The following RBFOX3 variants were observed in gnomAD, a reference collection of about 807,000 sequenced individuals.
RBFOX3 encodes RNA binding fox-1 homolog 3.
Under a neutral mutation model 48.7 loss-of-function variants are expected in RBFOX3, and 17 were observed. The ratio of observed to expected loss-of-function variants is 0.35; its 90% CI spans 0.24 to 0.52. The LOEUF (loss-of-function observed/expected upper bound fraction) is 0.52, where lower values mean the gene tolerates loss of function less well. Among genes scored for constraint, RBFOX3 ranks in the 20% least tolerant of loss-of-function variants. RBFOX3 has a pLI of 0.94. For missense variants in RBFOX3, 382 were observed against 497.5 expected (o/e 0.77, Z 2.21); for synonymous variants, 212 against 209.5 (o/e 1.01, Z -0.10).
chr17:79,322,832 C>A (rs929638841), intron 2 of RBFOX3, among the ~76,000 whole-genome samples: 9 of 152,190 alleles, frequency 5.9e-5, no homozygotes, highest in Admixed American at 2.0e-4. Flanking sequence ...AGCACTGGAG[C>A]TCCCCAAGTC....
the RBFOX3 span, among the ~76,000 whole-genome samples, chr17:79,628,926 G>A: frequency 6.6e-6 from 1 of 152,362 alleles, no homozygotes; most frequent in Non-Finnish European, 1.5e-5. Context: ...GGGGCATGAA[G>A]ACCACAGCAG....
chr17:79,315,760 G>A lies in RBFOX3; in HGVS notation c.-174-7936C>T, dbSNP rs368317117. Among the ~76,000 whole-genome samples, 6 of 152,378 alleles carry A rather than the reference G, an allele frequency of 3.9e-5. No individual in the cohort carries two copies. In the South Asian group the frequency reaches 8.3e-4, roughly 21 times the overall value. ...TGCCGCCCGTGCCGCCACCCTGGGG[G>A]TCTCTGAGGGCCTTGCTTGCAATGA... On this transcript the variant is annotated intron_variant, in intron 2 of 14. Coordinates refer to ENST00000693108, the MANE Select transcript of RBFOX3 (RefSeq NM_001350451.2).
At chr17:79,664,178 C>G in the RBFOX3 span, among the ~76,000 whole-genome samples, 2 of 77,784 alleles carry the variant, frequency 2.6e-5, no homozygotes, top group Non-Finnish European at 6.9e-5. Context: ...ACCATTCTTA[C>G]CTTTTTTTTT....
chr17:79,218,851 C>T (rs1013908261), intron 4 of RBFOX3, among the ~76,000 whole-genome samples: 31 of 152,228 alleles, frequency 2.0e-4, no homozygotes, highest in African/African-American at 7.5e-4. Flanking sequence ...CGGGCACATC[C>T]TTGCCCCAAT....
At chr17:79,504,234 C>A (rs1207818623) in intron 1 of RBFOX3, among the ~76,000 whole-genome samples, 1 of 152,252 alleles carries the variant, frequency 6.6e-6, no homozygotes, top group Admixed American at 6.5e-5. Context: ...ATAGCAGGAG[C>A]CGCCGTAACA....
intron 2 of RBFOX3, among the ~76,000 whole-genome samples, chr17:79,469,540 C>T (rs2076797962): frequency 6.6e-6 from 1 of 152,216 alleles, no homozygotes. Flanking sequence ...AAGCAGCTGA[C>T]CACCTGCTCG....
intron 2 of RBFOX3, among the ~76,000 whole-genome samples, chr17:79,407,572 C>T (rs1568195636): frequency 6.6e-6 from 1 of 152,212 alleles, no homozygotes. Flanking sequence ...CAGTAACTCA[C>T]AATGTGAGAC....
chr17:79,196,230 T>TC (rs2055559762), intron 4 of RBFOX3, among the ~76,000 whole-genome samples: 1 of 152,068 alleles, frequency 6.6e-6, no homozygotes, highest in Admixed American at 6.6e-5. Flanking sequence ...CTAAGAAGAC[T>TC]GTAGTCCCGC....
At chr17:79,183,609 A>T (rs1396016261) in intron 4 of RBFOX3, 1 of 152,224 alleles carries the variant, frequency 6.6e-6, no homozygotes, top group African/African-American at 2.4e-5. Context: ...ACGGCCAGAG[A>T]GTCTGTGCGC....
the RBFOX3 span, among the ~76,000 whole-genome samples, chr17:79,663,847 T>C: frequency 2.0e-5 from 3 of 152,238 alleles, no homozygotes; most frequent in Non-Finnish European, 2.9e-5. Context: ...CAAGGATCTT[T>C]TGTAAGTTTG....
intron 2 of RBFOX3, among the ~76,000 whole-genome samples, chr17:79,400,079 G>A (rs141988296): frequency 5.1e-4 from 77 of 152,240 alleles, no homozygotes; most frequent in African/African-American, 1.1e-3. Flanking sequence ...GATCAGGATC[G>A]GAGCAGGATT....
At chr17:79,661,736 A>G in the RBFOX3 span, among the ~76,000 whole-genome samples, 23,580 of 152,156 alleles carry the variant, frequency 0.15, 2,022 homozygotes, top group African/African-American at 0.23. Flanking sequence ...GGATGCCCCA[A>G]TCATTCTATA....
chr17:79,245,487 A>G (rs1329146438), intron 3 of RBFOX3, among the ~76,000 whole-genome samples: 1 of 152,194 alleles, frequency 6.6e-6, no homozygotes, highest in Non-Finnish European at 1.5e-5. Context: ...CTTTAGGTGC[A>G]CAGTTCAGTG....
chr17:79,594,756 GGT>G (rs1404450979), intron 1 of RBFOX3, among the ~76,000 whole-genome samples: 1 of 152,176 alleles, frequency 6.6e-6, no homozygotes, highest in Non-Finnish European at 1.5e-5. Flanking sequence ...GAAAGGTTCT[GGT>G]GTCCAGGGGC....
At chr17:79,123,600 C>T (rs1028905911) in intron 4 of RBFOX3, among the ~76,000 whole-genome samples, 3 of 152,164 alleles carry the variant, frequency 2.0e-5, no homozygotes, top group African/African-American at 4.8e-5. Flanking sequence ...GATCAATGCC[C>T]AGATGAAGAA....
rs1341102845 is a variant in RBFOX3 at position 79,479,289 on chromosome 17, G to A, written c.-175+3165C>T. Among the ~76,000 whole-genome samples the A allele has an allele frequency of 7.2e-5, 11 of 152,174 alleles. No homozygotes were observed. Among genetic ancestry groups the A allele is most frequent in the South Asian group, 2.1e-4 (1 of 4,828 alleles). On this transcript the variant is annotated intron_variant, in intron 2 of 14. Coordinates refer to ENST00000693108, the MANE Select transcript of RBFOX3 (RefSeq NM_001350451.2). The surrounding 1 kb of genome is among the most constrained non-coding windows in gnomAD (Gnocchi z 5.1). Reference sequence around the variant, plus strand: ...GGCTGCAGGGAGAACCCAGGAGCTCGCGGGGCAGGAGGGTGTCTACAGGCA... The same window carrying A: ...GGCTGCAGGGAGAACCCAGGAGCTCACGGGGCAGGAGGGTGTCTACAGGCA...
chr17:79,111,511 C>G lies in RBFOX3; in HGVS notation c.222+3983G>C, dbSNP rs1424919052. The stretch of plus-strand genomic sequence containing the variant: ...AGTGCAGCGGCGTGATCTCAGCTCA[C>G]TGCAACCTCCACCTCCTGGGTTCAA... On this transcript the variant is annotated intron_variant, in intron 5 of 14. Transcript: ENST00000693108. This position sits in a 1 kb window ranked among gnomAD's most constrained non-coding sequence, Gnocchi z 4.2. Among the ~76,000 whole-genome samples, 1 of 152,244 alleles carries G rather than the reference C, an allele frequency of 6.6e-6. No individual in the cohort carries two copies. Among genetic ancestry groups the G allele is most frequent in the East Asian group, 1.9e-4 (1 of 5,188 alleles).
chr17:79,169,132 C>A (rs951777612), intron 4 of RBFOX3, among the ~76,000 whole-genome samples: 6 of 152,198 alleles, frequency 3.9e-5, no homozygotes, highest in Non-Finnish European at 7.3e-5. Flanking sequence ...TGTGTGAATC[C>A]CGGTGTCATT....
intron 2 of RBFOX3, among the ~76,000 whole-genome samples, chr17:79,440,375 T>C (rs1033851129): frequency 2.3e-4 from 35 of 152,180 alleles, no homozygotes; most frequent in African/African-American, 8.2e-4. Flanking sequence ...GCAGGTACCA[T>C]CCTCCCCATC....
Sources: gnomAD v4.1 joint callset for allele counts (sites outside exome capture counted in the v4.1 genomes callset) on GRCh38, gnomAD v4.1.1 for gene constraint, Gnocchi (gnomAD v3.1) non-coding constraint, MANE v1.5 for transcripts, NCBI Gene and HGNC (gene_info 2026-07-23, HGNC 2026-07-21) for gene names.